The following DMTN variants were observed in gnomAD, a reference collection of about 807,000 sequenced individuals.
DMTN encodes dematin actin binding protein.
A neutral mutation model predicts 59.4 loss-of-function variants in DMTN; 27 were observed. The observed-to-expected ratio is 0.45, with a 90% CI of 0.33 to 0.63. DMTN has a LOEUF of 0.63. Among genes scored for constraint, DMTN ranks in the 20% least tolerant of loss-of-function variants. The probability of loss-of-function intolerance (pLI) is 0.02; values close to 1 mark genes in which losing one functional copy is unlikely to be tolerated. For missense variants in DMTN, 451 were observed against 528.9 expected, an observed-to-expected ratio of 0.85 and a Z score of 1.45; for synonymous variants, 221 against 203.7, an observed-to-expected ratio of 1.08 and a Z score of -0.72.
chr8:22,081,971 G>A lies in DMTN; in HGVS notation c.*508G>A, dbSNP rs1041620874. 6 of 450,000 alleles carry A rather than the reference G, an allele frequency of 1.3e-5. No homozygotes were observed. Among genetic ancestry groups the A allele is most frequent in the East Asian group, 7.3e-5 (1 of 13,712 alleles). The allele number at this position is 450,000 out of a possible 1,614,324, so 27.9% of individuals were successfully genotyped here. On this transcript the variant is annotated 3_prime_UTR_variant, in exon 16 of 16. Coordinates refer to ENST00000358242, the MANE Select transcript of DMTN (RefSeq NM_001387751.1). ...GGGAACAGGCCCCAGCTCAGCCTCCGGCAGGGAGGTCACCCCTCCACTTCA... is the reference window on the plus strand; with the variant it reads ...GGGAACAGGCCCCAGCTCAGCCTCCAGCAGGGAGGTCACCCCTCCACTTCA...
Position 22,060,787 on chromosome 8 carries a change from A to T in DMTN, c.-172+3651A>T, listed in dbSNP as rs1020861861. Among the ~76,000 whole-genome samples, 2 of 152,196 alleles carry T rather than the reference A, an allele frequency of 1.3e-5. No homozygotes were observed. The highest frequency in any genetic ancestry group is 4.8e-5 in the African/African-American group (2 of 41,452). ...GAGGTGAGAGGCCAGAGGCTTAGTG[A>T]CTCACACCAGCTTTGCCTGGGTAGT... On this transcript the variant is annotated intron_variant, in intron 1 of 15. Coordinates refer to ENST00000358242, the MANE Select transcript of DMTN (RefSeq NM_001387751.1). The surrounding 1 kb of genome is among the most constrained non-coding windows in gnomAD (Gnocchi z 5.0).
rs1823587991 is a variant in DMTN at position 22,080,645 on chromosome 8, G to A, written c.957+20G>A. The A allele has an allele frequency of 6.2e-7, 1 of 1,600,498 alleles. No individual in the cohort carries two copies. Among genetic ancestry groups the A allele is most frequent in the South Asian group, 1.1e-5 (1 of 89,442 alleles). On this transcript the variant is annotated intron_variant, in intron 13 of 15. Transcript: ENST00000358242. Reference sequence around the variant, plus strand: ...CTGCAGGTGAGTGCCTCCTGGAGGGGAACAGGCAGAGCAGCAGAAGCTGGG... The same window carrying A: ...CTGCAGGTGAGTGCCTCCTGGAGGGAAACAGGCAGAGCAGCAGAAGCTGGG...
rs1048827649 is a variant in DMTN at position 22,057,004 on chromosome 8, G to A, written c.-304G>A. 1.4e-5 allele frequency: 2 copies of A among 147,074 alleles called. No homozygotes were observed. Among genetic ancestry groups the A allele is most frequent in the Admixed American group, 1.4e-4 (2 of 14,130 alleles). The allele number at this position is 147,074 out of a possible 1,614,324, so 9.1% of individuals were successfully genotyped here. ...TTTTTCCTGTTATTTGTGCTCCGGG[G>A]AAGCGCCGCGGGGTTCCTGGAAGAG... On this transcript the variant is annotated 5_prime_UTR_variant, in exon 1 of 16. Coordinates refer to ENST00000358242, the MANE Select transcript of DMTN (RefSeq NM_001387751.1).
intron 8 of DMTN, 128 bp downstream of exon 8, chr8:22,070,462 A>C: frequency 8.3e-7 from 1 of 1,200,534 alleles, no homozygotes; most frequent in Non-Finnish European, 1.1e-6. Flanking sequence ...GCTTTTTCCT[A>C]CCTTCAGGAG....
chr8:22,050,849 C>A (rs975000363), upstream of DMTN, among the ~76,000 whole-genome samples: 3 of 152,184 alleles, frequency 2.0e-5, no homozygotes, highest in African/African-American at 7.2e-5. Context: ...TGCCCAGTGT[C>A]CAGGCACTGC....
chr8:22,070,666 C>T (rs1814641349), intron 8 of DMTN, among the ~76,000 whole-genome samples: 1 of 152,202 alleles, frequency 6.6e-6, no homozygotes, highest in South Asian at 2.1e-4. Context: ...GTTTGGTCCC[C>T]AGCGAATTTT....
chr8:22,079,277 A>ATATCT (rs1238511445), intron 10 of DMTN, among the ~76,000 whole-genome samples: 1 of 27,682 alleles, frequency 3.6e-5, no homozygotes, highest in Non-Finnish European at 6.8e-5. Flanking sequence ...TAAATAAATA[A>ATATCT]ATATATATAT....
intron 8 of DMTN, 22 bp from the exon 9 acceptor site, chr8:22,072,304 C>T (rs1440935078): frequency 2.5e-6 from 4 of 1,587,028 alleles, no homozygotes; most frequent in African/African-American, 1.4e-5. Context: ...ACTCCCTCCC[C>T]ACCTTTGCTT....
upstream of DMTN, chr8:22,055,131 C>T (rs1437236197): frequency 6.5e-6 from 1 of 152,706 alleles, no homozygotes; most frequent in Non-Finnish European, 1.5e-5. Flanking sequence ...CGATTCTACC[C>T]ATTCCTCATC....
In DMTN at chr8:22,080,830, T is replaced by G; in HGVS notation, c.983T>G (p.Met328Arg). 6.3e-7 allele frequency: 1 copy of G among 1,599,976 alleles called. No homozygotes were observed. Among genetic ancestry groups the G allele is most frequent in the South Asian group, 1.1e-5 (1 of 89,710 alleles). ...LQNGEGQRGR[M>R]DRGNSLPCVL... is the part of the protein sequence containing the mutation. ...AACGGAGAGGGCCAGAGGGGGAGGATGGACCGGGGGAACTCCCTGCCCTGT... is the reference window on the plus strand; with the variant it reads ...AACGGAGAGGGCCAGAGGGGGAGGAGGGACCGGGGGAACTCCCTGCCCTGT... Residue 328 changes from methionine to arginine, a missense_variant, in exon 14 of 16, where the codon ATG (methionine) becomes AGG (arginine). By Grantham distance (91) the Met-to-Arg change is moderately conservative. Coordinates refer to ENST00000358242, the MANE Select transcript of DMTN (RefSeq NM_001387751.1).
chr8:22,070,412 G>T, intron 8 of DMTN, 78 bp downstream of exon 8: 1 of 1,496,340 alleles, frequency 6.7e-7, no homozygotes, highest in Non-Finnish European at 8.9e-7. Context: ...GCTGCAGTCC[G>T]TGAACCCACT....
chr8:22,069,381 G>C, intron 5 of DMTN, 38 bp from the exon 6 acceptor site: 1 of 1,572,724 alleles, frequency 6.4e-7, no homozygotes, highest in Non-Finnish European at 8.7e-7. Context: ...GGTTGGAGGG[G>C]GTTAGGGGCC....
Position 22,066,889 on chromosome 8 carries a change from A to G in DMTN, c.14A>G (p.Gln5Arg). MERL[Q>R]KQPLTSPGSV... ...GCTCCGTGCTGCATGGAACGGCTGC[A>G]GAAGGTGCGCGGCGCCGCCCCGGGC... is the stretch of plus-strand genomic sequence containing the variant. Residue 5 changes from glutamine to arginine, a missense_variant, in exon 2 of 16, where the codon CAG (glutamine) becomes CGG (arginine). Gln to Arg is a conservative substitution (Grantham distance 43, BLOSUM62 1). Transcript: ENST00000358242. 1.5e-6 allele frequency: 2 copies of G among 1,301,890 alleles called. No individual in the cohort carries two copies. Among genetic ancestry groups the G allele is most frequent in the Non-Finnish European group, 2.0e-6 (2 of 1,023,648 alleles). 80.6% of individuals were successfully genotyped at this position (1,301,890 alleles called of 1,614,324 possible).
chr8:22,062,745 C>T (rs1807561719), intron 1 of DMTN, among the ~76,000 whole-genome samples: 1 of 151,902 alleles, frequency 6.6e-6, no homozygotes, highest in African/African-American at 2.4e-5. Context: ...TTCTCCTCAC[C>T]TTCTCCATGG....
At chr8:22,069,373 T>C in intron 5 of DMTN, 46 bp from the exon 6 acceptor site, 3 of 1,533,298 alleles carry the variant, frequency 2.0e-6, no homozygotes, top group South Asian at 1.2e-5. Flanking sequence ...CATGTGTGGG[T>C]TGGAGGGGGT....
intron 4 of DMTN, among the ~76,000 whole-genome samples, chr8:22,067,915 A>C (rs1325913044): frequency 6.6e-6 from 1 of 152,256 alleles, no homozygotes; most frequent in Admixed American, 6.5e-5. Flanking sequence ...TTTGGATGGC[A>C]GCAACACACA....
chr8:22,072,244 A>G (rs1816139252), intron 8 of DMTN, 82 bp from the exon 9 acceptor site: 5 of 1,489,200 alleles, frequency 3.4e-6, no homozygotes, highest in Admixed American at 4.2e-5. Context: ...AGCCCAGAGC[A>G]GTGCACAGAG....
chr8:22,080,295 G>T, intron 11 of DMTN, 51 bp downstream of exon 11: 5 of 1,613,414 alleles, frequency 3.1e-6, no homozygotes, highest in Non-Finnish European at 4.2e-6. Flanking sequence ...ACGTGCATGT[G>T]GGGTGCTGAG....
intron 10 of DMTN, among the ~76,000 whole-genome samples, chr8:22,074,240 C>G (rs1449658999): frequency 6.6e-6 from 1 of 150,608 alleles, no homozygotes; most frequent in Admixed American, 6.7e-5. Context: ...CCTGGGAGGC[C>G]AAACTGAGGG....
Sources: allele counts gnomAD v4.1 joint callset (sites outside exome capture counted in the v4.1 genomes callset), GRCh38; gene constraint gnomAD v4.1.1; non-coding constraint Gnocchi (gnomAD v3.1); transcripts MANE v1.5; gene names NCBI Gene and HGNC (gene_info 2026-07-23, HGNC 2026-07-21).